The following ADGRE3 variants were observed in gnomAD, a reference collection of about 807,000 sequenced individuals.
ADGRE3 encodes the protein adhesion G protein-coupled receptor E3, also known as EGF-like module receptor 3.
In ADGRE3, 88 loss-of-function variants were observed where a neutral mutation model predicts 80.1. The ratio of observed to expected loss-of-function variants is 1.10; its 90% CI spans 0.93 to 1.31. ADGRE3 has a LOEUF of 1.31. Among genes scored for constraint, ADGRE3 ranks in the 40% most tolerant of loss-of-function variants. The pLI, the probability that ADGRE3 is intolerant of heterozygous loss-of-function variation, is 0.00. For synonymous variants in ADGRE3, 281 were observed against 294.8 expected (o/e 0.95, Z 0.48); for missense variants, 715 against 776.5 (o/e 0.92, Z 0.94).
Position 14,619,201 on chromosome 19 carries a change from GGGTT to G in ADGRE3, c.*228_*231del. ...GAAATATTTGCAGTGGTCATGCTTT[GGGTT>G]TCCAGGGACAAGCATTGACTGAATA... On this transcript the variant is annotated 3_prime_UTR_variant, in exon 16 of 16. Transcript: ENST00000253673. 3.9e-6 allele frequency: 2 copies of G among 511,704 alleles called. No homozygotes were observed. The highest frequency in any genetic ancestry group is 6.9e-6 in the Non-Finnish European group (2 of 291,502). The allele number at this position is 511,704 out of a possible 1,614,324, so 31.7% of individuals were successfully genotyped here. A position where few individuals can be genotyped will look rare whatever the true frequency, so the allele number is the denominator to read the frequency against.
chr19:14,670,362 A>T (rs1292134552), intron 1 of ADGRE3, among the ~76,000 whole-genome samples: 5 of 152,192 alleles, frequency 3.3e-5, no homozygotes, highest in Admixed American at 2.6e-4. Flanking sequence ...CTTGACACTC[A>T]TCCCTGAAAG....
chr19:14,664,858 C>T (rs1972048234), intron 2 of ADGRE3, among the ~76,000 whole-genome samples: 1 of 151,906 alleles, frequency 6.6e-6, no homozygotes, highest in Admixed American at 6.6e-5. Flanking sequence ...AACAATAAGT[C>T]TCTTATTACC....
downstream of ADGRE3, among the ~76,000 whole-genome samples, chr19:14,617,866 T>TA (rs200361228): frequency 8.7e-5 from 13 of 149,944 alleles, no homozygotes; most frequent in Non-Finnish European, 1.6e-4. Flanking sequence ...AGTGATGACT[T>TA]AAAAAAAAAA....
rs141226197 is a variant in ADGRE3 at position 14,668,224 on chromosome 19, C to G, written c.76+578G>C. Reference sequence around the variant, plus strand: ...CGAGATGGCACCACTGCACTCCAGCCTGGGTGACAGAGTGAGACTCTGTCT... The same window carrying G: ...CGAGATGGCACCACTGCACTCCAGCGTGGGTGACAGAGTGAGACTCTGTCT... On this transcript the variant is annotated intron_variant, in intron 2 of 15. Transcript: ENST00000253673. 4.0e-3 allele frequency among the ~76,000 whole-genome samples: 601 copies of G among 152,148 alleles called. 6 individuals are homozygous for G. Among genetic ancestry groups the G allele is most frequent in the African/African-American group, 0.014 (584 of 41,498 alleles).
Position 14,672,905 on chromosome 19 carries a change from G to A in ADGRE3, c.25+1841C>T, listed in dbSNP as rs897345399. Among the ~76,000 whole-genome samples the A allele has an allele frequency of 7.9e-5, 12 of 152,126 alleles. No homozygotes were observed. In the East Asian group the frequency reaches 2.3e-3, roughly 29 times the overall value. On this transcript the variant is annotated intron_variant, in intron 1 of 15. Coordinates refer to ENST00000253673, the MANE Select transcript of ADGRE3 (RefSeq NM_032571.5). ...TGGGATTATAGGTATGAGCCTCCAT[G>A]CCCAACCCTGGAATCCTAATTCTTG...
intron 2 of ADGRE3, 127 bp from the exon 3 acceptor site, chr19:14,663,667 C>T (rs1972016942): frequency 8.6e-7 from 1 of 1,157,720 alleles, no homozygotes; most frequent in Non-Finnish European, 1.2e-6. Context: ...ACTGAAACCC[C>T]ATTTCTACTA....
rs1252815737 is a variant in ADGRE3 at position 14,636,069 on chromosome 19, T to TC, written c.1484+2035dup. Among the ~76,000 whole-genome samples, 1,129 of 121,052 alleles carry TC rather than the reference T, an allele frequency of 9.3e-3. 87 individuals are homozygous for TC. The highest frequency in any genetic ancestry group is 0.013 in the African/African-American group (430 of 33,504). The allele number at this position is 121,052 out of a possible 152,430, so 79.4% of individuals were successfully genotyped here. ...CCTTCCTTCCTTCCTTCCTTTCCTT[T>TC]CCTTTCCTTTCCCTTTCTTTCTTTC... is the stretch of plus-strand genomic sequence containing the variant. On this transcript the variant is annotated intron_variant, in intron 11 of 15. Transcript: ENST00000253673.
intron 7 of ADGRE3, 44 bp from the exon 8 acceptor site, chr19:14,647,409 T>TA: frequency 5.8e-5 from 75 of 1,294,184 alleles, no homozygotes; most frequent in Non-Finnish European, 7.8e-5. Context: ...TTCTTTTCTT[T>TA]CTTTTTTTTT....
In ADGRE3 at chr19:14,620,536, T is replaced by TATATATATA. The variant is rs1568471365; in HGVS notation, c.1921-1066_1921-1065insTATATATAT. Among the ~76,000 whole-genome samples, 28 of 37,262 alleles carry TATATATATA rather than the reference T, an allele frequency of 7.5e-4. 3 individuals carry two copies. Among genetic ancestry groups the TATATATATA allele is most frequent in the African/African-American group, 3.8e-3 (26 of 6,754 alleles). The allele number at this position is 37,262 out of a possible 152,430, so 24.4% of individuals were successfully genotyped here. On this transcript the variant is annotated intron_variant, in intron 15 of 15. Transcript: ENST00000253673. ...TATGACTATATATGAATATATATAT[T>TATATATATA]TTATATATATATTATATATATATAT...
chr19:14,636,003 CTCTT>C (rs769785334), intron 11 of ADGRE3, among the ~76,000 whole-genome samples: 2,440 of 63,230 alleles, frequency 0.039, 306 homozygotes, highest in African/African-American at 0.071. Flanking sequence ...CTCTCTCTTT[CTCTT>C]TCTTTCTTCC....
chr19:14,607,904 C>T, the ADGRE3 span, among the ~76,000 whole-genome samples: 1 of 150,482 alleles, frequency 6.6e-6, no homozygotes, highest in South Asian at 2.1e-4. Context: ...ACAGTCTCGC[C>T]CTGTCACCCA....
chr19:14,660,853 CAGAG>C (rs1299953377), intron 4 of ADGRE3, among the ~76,000 whole-genome samples: 2 of 150,154 alleles, frequency 1.3e-5, no homozygotes, highest in Non-Finnish European at 2.9e-5. Context: ...AATGGGGTCT[CAGAG>C]AGAGAGTCAA....
intron 11 of ADGRE3, among the ~76,000 whole-genome samples, 160 bp from the exon 12 acceptor site, chr19:14,633,462 T>C (rs868851433): frequency 6.6e-6 from 1 of 152,022 alleles, no homozygotes; most frequent in Non-Finnish European, 1.5e-5. Flanking sequence ...ATCCCAGCAC[T>C]TTGGGAGGCC....
chr19:14,620,520 ATATGAATATATATATTTTATATATATAT>A (rs1229296932), intron 15 of ADGRE3, among the ~76,000 whole-genome samples: 6 of 39,422 alleles, frequency 1.5e-4, no homozygotes, highest in African/African-American at 5.8e-4. Flanking sequence ...TTATGACTAT[ATATGAATATATATATTTTATATATATAT>A]TATATATATA....
intron 2 of ADGRE3, among the ~76,000 whole-genome samples, chr19:14,664,020 GA>G (rs1300817582): frequency 4.0e-5 from 6 of 151,814 alleles, no homozygotes; most frequent in African/African-American, 1.5e-4. Flanking sequence ...TCTCAAGGCT[GA>G]GGAAGCCTGT....
At chr19:14,606,528 A>C in the ADGRE3 span, among the ~76,000 whole-genome samples, 1 of 152,038 alleles carries the variant, frequency 6.6e-6, no homozygotes, top group Non-Finnish European at 1.5e-5. Flanking sequence ...AAAAATACAA[A>C]AATTAGCCGG....
chr19:14,634,901 C>T lies in ADGRE3; in HGVS notation c.1485-1599G>A, dbSNP rs192556426. ...ACGCTTGCTAAACTCCATAACAATA[C>T]GAGCCATCAGTTCCCTCCTACCTCT... On this transcript the variant is annotated intron_variant, in intron 11 of 15. Transcript: ENST00000253673. 3.7e-4 allele frequency among the ~76,000 whole-genome samples: 56 copies of T among 152,154 alleles called. No individual in the cohort carries two copies. The East Asian group carries it at 7.9e-3, about 22-fold the overall frequency.
chr19:14,632,454 G>C (rs992320519), intron 13 of ADGRE3, among the ~76,000 whole-genome samples: 2 of 152,126 alleles, frequency 1.3e-5, no homozygotes, highest in African/African-American at 4.8e-5. Flanking sequence ...ACATTTCCCA[G>C]CCTCCCTTGC....
the ADGRE3 span, among the ~76,000 whole-genome samples, chr19:14,613,393 T>A: frequency 2.3e-5 from 3 of 131,972 alleles, no homozygotes; most frequent in South Asian, 2.3e-4. Context: ...CAGCTAATTT[T>A]AATTTTTTTT....
Sources: allele counts gnomAD v4.1 joint callset (sites outside exome capture counted in the v4.1 genomes callset), GRCh38; gene constraint gnomAD v4.1.1; transcripts MANE v1.5; gene names NCBI Gene and HGNC (gene_info 2026-07-23, HGNC 2026-07-21).